TENM1: variants seen among roughly 807,000 people sequenced by gnomAD.
TENM1 encodes the protein teneurin-1.
TENM1 carries 35 observed loss-of-function variants against 174.8 expected under a neutral mutation model. The ratio of observed to expected loss-of-function variants is 0.20; its 90% CI spans 0.15 to 0.27. TENM1 has a LOEUF of 0.27. Ranked by LOEUF, TENM1 falls within the 10% of genes least tolerant of loss-of-function variation. The pLI is 1.00. For missense variants in TENM1, 1,633 were observed against 2,130.1 expected, an observed-to-expected ratio of 0.77 and a Z score of 4.59; for synonymous variants, 781 against 798.7, an observed-to-expected ratio of 0.98 and a Z score of 0.37.
chrX:124,463,531 T>G (rs1435112282), intron 22 of TENM1, among the ~76,000 whole-genome samples: 1 of 111,436 alleles, frequency 9.0e-6, no homozygotes, highest in African/African-American at 3.3e-5. Context: ...CATGGAGCAT[T>G]ATGTAACCCT....
intron 24 of TENM1, among the ~76,000 whole-genome samples, chrX:124,421,473 C>T (rs970227663): frequency 8.9e-6 from 1 of 111,999 alleles, no homozygotes; most frequent in Non-Finnish European, 1.9e-5. Flanking sequence ...TTAAGAGAAC[C>T]ATTCGGGCCT....
At chrX:124,986,502 A>C in the TENM1 span, among the ~76,000 whole-genome samples, 4 of 112,175 alleles carry the variant, frequency 3.6e-5, no homozygotes, top group South Asian at 7.5e-4. Context: ...ATTGCACAAC[A>C]ACCTTAGAAC....
At chrX:124,827,781 A>T (rs2056200660) in intron 3 of TENM1, among the ~76,000 whole-genome samples, 1 of 112,213 alleles carries the variant, frequency 8.9e-6, no homozygotes, top group Admixed American at 9.5e-5. Flanking sequence ...GCCAAGTCAG[A>T]GCTTCATAGC....
chrX:124,545,720 T>C (rs969411792), intron 15 of TENM1, among the ~76,000 whole-genome samples: 3 of 111,639 alleles, frequency 2.7e-5, no homozygotes, highest in African/African-American at 9.8e-5. Flanking sequence ...AGAGTTGTTA[T>C]TGAAGCTGGA....
At chrX:125,153,126 C>A in the TENM1 span, among the ~76,000 whole-genome samples, 18 of 111,849 alleles carry the variant, frequency 1.6e-4, no homozygotes, top group Admixed American at 1.1e-3. Context: ...AAGGTAAAAC[C>A]AGCAGAATTC....
intron 3 of TENM1, among the ~76,000 whole-genome samples, chrX:124,750,283 A>T (rs1216398755): frequency 8.9e-6 from 1 of 111,824 alleles, no homozygotes; most frequent in Non-Finnish European, 1.9e-5. Flanking sequence ...TGTCATGAAG[A>T]CTATGGCTGT....
the TENM1 span, among the ~76,000 whole-genome samples, chrX:125,051,620 C>T: frequency 3.7e-4 from 39 of 106,424 alleles, no homozygotes; most frequent in Admixed American, 3.5e-3. Context: ...ATAAATGGTG[C>T]TGGGAAAACT....
At chrX:124,582,800 G>A (rs1026367027) in intron 11 of TENM1, among the ~76,000 whole-genome samples, 8 of 111,902 alleles carry the variant, frequency 7.1e-5, no homozygotes, top group East Asian at 2.8e-4. Context: ...GGGGTGAATC[G>A]GCACCTGGAA....
chrX:124,703,177 G>A (rs1010426103), intron 5 of TENM1, among the ~76,000 whole-genome samples: 5 of 111,538 alleles, frequency 4.5e-5, no homozygotes. Context: ...TGAGGAAATG[G>A]AGACCTGAAA....
chrX:124,922,256 G>T (rs144568754), intron 1 of TENM1, among the ~76,000 whole-genome samples: 1 of 110,932 alleles, frequency 9.0e-6, no homozygotes, highest in Non-Finnish European at 1.9e-5. Flanking sequence ...TAGCTTCCAC[G>T]ATATAGATGA....
At chrX:124,523,394 T>C in exon 17 of TENM1, 1 of 1,211,794 alleles carries the variant, frequency 8.3e-7, no homozygotes, top group South Asian at 1.8e-5. Context: ...TTCCCCTCTC[T>C]GGACAGGACC....
chrX:124,539,878 G>A (rs2048282751), intron 15 of TENM1, among the ~76,000 whole-genome samples: 1 of 111,669 alleles, frequency 9.0e-6, no homozygotes, highest in Admixed American at 9.5e-5. Context: ...ATGCTCACCC[G>A]AGCCAATTAG....
chrX:124,546,969 A>G (rs2048445466), exon 15 of TENM1: 2 of 1,211,265 alleles, frequency 1.7e-6, no homozygotes, highest in Non-Finnish European at 2.2e-6. Context: ...AAGTGTGCTG[A>G]GAGAAGAGAG....
chrX:124,910,361 T>C (rs923512417), intron 1 of TENM1, among the ~76,000 whole-genome samples: 1 of 112,290 alleles, frequency 8.9e-6, no homozygotes, highest in African/African-American at 3.2e-5. Context: ...ATGGACAATC[T>C]ATATACATGA....
At chrX:124,888,269 T>C (rs1003253728) in intron 3 of TENM1, among the ~76,000 whole-genome samples, 4 of 111,646 alleles carry the variant, frequency 3.6e-5, no homozygotes, top group Non-Finnish European at 7.5e-5. Flanking sequence ...TTGGCTGTTA[T>C]GAGATTGTAT....
At chrX:124,611,606 C>T (rs992744056) in intron 11 of TENM1, among the ~76,000 whole-genome samples, 19 of 111,286 alleles carry the variant, frequency 1.7e-4, no homozygotes, top group African/African-American at 6.2e-4. Flanking sequence ...AAATAAGTAT[C>T]TTTATAGTAA....
chrX:124,420,253 T>G, intron 25 of TENM1, 58 bp downstream of exon 28: 1 of 1,107,938 alleles, frequency 9.0e-7, no homozygotes, highest in African/African-American at 1.8e-5. Context: ...ATTTTCCCAG[T>G]ATAATACAAT....
chrX:125,193,334 C>T, the TENM1 span, among the ~76,000 whole-genome samples: 1 of 112,351 alleles, frequency 8.9e-6, no homozygotes, highest in African/African-American at 3.2e-5. Context: ...GAATTTGCTG[C>T]ACAGCAAGTA....
chrX:125,180,262 T>G, the TENM1 span, among the ~76,000 whole-genome samples: 61 of 83,685 alleles, frequency 7.3e-4, no homozygotes, highest in Non-Finnish European at 1.2e-3. Flanking sequence ...AGAGACGGAG[T>G]TTCACCATGT....
Sources: gnomAD v4.1 joint callset for allele counts (sites outside exome capture counted in the v4.1 genomes callset) on GRCh38, gnomAD v4.1.1 for gene constraint, MANE v1.5 for transcripts, NCBI Gene and HGNC (gene_info 2026-07-23, HGNC 2026-07-21) for gene names.